The following FRMPD4 variants were observed in gnomAD, a reference collection of about 807,000 sequenced individuals.
The protein encoded by FRMPD4 is FERM and PDZ domain-containing protein 4.
FRMPD4 carries 22 observed loss-of-function variants against 94.1 expected under a neutral mutation model. The ratio of observed to expected loss-of-function variants is 0.23; its 90% CI spans 0.17 to 0.33. The LOEUF (loss-of-function observed/expected upper bound fraction) is 0.33, where lower values mean the gene tolerates loss of function less well. FRMPD4 is among the 10% of genes least tolerant of loss of function. FRMPD4 has a pLI of 1.00. For synonymous variants in FRMPD4, 631 were observed against 548.6 expected, an observed-to-expected ratio of 1.15 and a Z score of -2.10; for missense variants, 1,111 against 1,339.9, an observed-to-expected ratio of 0.83 and a Z score of 2.67.
intron 1 of FRMPD4, among the ~76,000 whole-genome samples, chrX:12,400,013 T>G (rs1237359576): frequency 1.8e-5 from 2 of 111,902 alleles, no homozygotes; most frequent in Non-Finnish European, 3.8e-5. Flanking sequence ...GGTTTTCACT[T>G]AAAAGGTATT....
At chrX:12,262,749 C>T (rs771129475) in intron 1 of FRMPD4, among the ~76,000 whole-genome samples, 7 of 111,376 alleles carry the variant, frequency 6.3e-5, no homozygotes, top group African/African-American at 1.3e-4. Context: ...TTATTCTGGC[C>T]GGGCCCATTT....
At chrX:12,277,096 G>A (rs2054452401) in intron 1 of FRMPD4, among the ~76,000 whole-genome samples, 1 of 98,831 alleles carries the variant, frequency 1.0e-5, no homozygotes, top group Admixed American at 1.1e-4. Context: ...ACTCCAGCCT[G>A]GGCGACAGAG....
At chrX:12,517,505 G>A (rs762393370) in intron 2 of FRMPD4, among the ~76,000 whole-genome samples, 2 of 108,003 alleles carry the variant, frequency 1.9e-5, no homozygotes, top group Non-Finnish European at 3.9e-5. Flanking sequence ...GACCCTATTT[G>A]TCTGGGTCCC....
chrX:12,643,803 T>C (rs1230398571), intron 4 of FRMPD4, among the ~76,000 whole-genome samples: 1 of 111,973 alleles, frequency 8.9e-6, no homozygotes, highest in Non-Finnish European at 1.9e-5. Context: ...TATTAAATCT[T>C]AGGACCTGCA....
chrX:12,548,735 G>A (rs183200634), intron 2 of FRMPD4, among the ~76,000 whole-genome samples: 2,021 of 111,843 alleles, frequency 0.018, 17 homozygotes, highest in Middle Eastern at 0.028. Flanking sequence ...GTCAATAACC[G>A]AAGGGGCCAT....
intron 3 of FRMPD4, among the ~76,000 whole-genome samples, chrX:11,948,606 A>AAAGGGG (rs2054203315): frequency 9.0e-6 from 1 of 111,337 alleles, no homozygotes; most frequent in Non-Finnish European, 1.9e-5. Flanking sequence ...GAGCTCTTGG[A>AAAGGGG]AAGGGGAAGG....
rs375165134 is a variant in FRMPD4, at chrX:12,065,666, T to G, written c.95+187648T>G. On this transcript the variant is annotated intron_variant, in intron 3 of 18. Coordinates refer to the FRMPD4 transcript ENST00000640291. ...TGCTTTTGGTTTGGTGGTTCAAGGC[T>G]GCCTTTGATGATTATTTCGAACAAA... 2.0e-4 allele frequency among the ~76,000 whole-genome samples: 22 copies of G among 112,251 alleles called. No individual in the cohort carries two copies. In the East Asian group the frequency reaches 3.1e-3, roughly 16 times the overall value.
chrX:12,076,531 C>T (rs1033081084), intron 3 of FRMPD4, among the ~76,000 whole-genome samples: 1 of 110,519 alleles, frequency 9.0e-6, no homozygotes, highest in Non-Finnish European at 1.9e-5. Context: ...GAAAGAATAC[C>T]GCCTGGCAGC....
At chrX:12,115,631 CTT>C (rs56008491) in intron 3 of FRMPD4, among the ~76,000 whole-genome samples, 12 of 101,622 alleles carry the variant, frequency 1.2e-4, no homozygotes, top group East Asian at 3.0e-4. Flanking sequence ...ATGCTGGCCT[CTT>C]TTTTTTTTTT....
chrX:11,848,197 C>T (rs1310084338), intron 1 of FRMPD4, among the ~76,000 whole-genome samples: 1 of 110,608 alleles, frequency 9.0e-6, no homozygotes, highest in Non-Finnish European at 1.9e-5. Context: ...TCTGTGTTTG[C>T]TGATTGTTCT....
intron 2 of FRMPD4, among the ~76,000 whole-genome samples, chrX:12,542,466 A>G (rs2058426092): frequency 8.9e-6 from 1 of 112,305 alleles, no homozygotes; most frequent in South Asian, 3.7e-4. Flanking sequence ...CCAAATCATG[A>G]GTGAACTCCC....
chrX:12,464,475 T>C (rs1224483027), intron 1 of FRMPD4, among the ~76,000 whole-genome samples: 1 of 112,544 alleles, frequency 8.9e-6, no homozygotes, highest in Admixed American at 9.4e-5. Context: ...CTGGTTATAA[T>C]AGACATCTAT....
intron 1 of FRMPD4, among the ~76,000 whole-genome samples, chrX:12,350,186 G>A (rs1404437929): frequency 9.0e-6 from 1 of 111,528 alleles, no homozygotes; most frequent in Non-Finnish European, 1.9e-5. Context: ...AGATCATATA[G>A]CTGTATAATT....
chrX:11,866,434 G>A (rs2053719073), intron 2 of FRMPD4, among the ~76,000 whole-genome samples: 1 of 111,805 alleles, frequency 8.9e-6, no homozygotes, highest in Admixed American at 9.5e-5. Flanking sequence ...TGAAGAAGCA[G>A]AGTCCTCCAT....
At chrX:12,529,986 T>C (rs1350719675) in intron 2 of FRMPD4, among the ~76,000 whole-genome samples, 1 of 110,936 alleles carries the variant, frequency 9.0e-6, no homozygotes, top group Non-Finnish European at 1.9e-5. Flanking sequence ...GTTGAGCCCT[T>C]TTGACCTAGT....
At chrX:12,366,255 TG>T (rs1315844136) in intron 1 of FRMPD4, among the ~76,000 whole-genome samples, 1 of 112,068 alleles carries the variant, frequency 8.9e-6, no homozygotes, top group Non-Finnish European at 1.9e-5. Flanking sequence ...AGGAGTTTAC[TG>T]TTGGTGGACA....
chrX:12,041,688 G>T (rs2054756838), intron 3 of FRMPD4, among the ~76,000 whole-genome samples: 1 of 110,037 alleles, frequency 9.1e-6, no homozygotes, highest in African/African-American at 3.3e-5. Context: ...TATAAATTAA[G>T]GTTTTTCATC....
At chrX:12,492,759 T>C (rs1171760655) in intron 1 of FRMPD4, among the ~76,000 whole-genome samples, 1 of 111,831 alleles carries the variant, frequency 8.9e-6, no homozygotes, top group Non-Finnish European at 1.9e-5. Flanking sequence ...TTTCCTCACA[T>C]GTACCTGTGC....
At chrX:12,282,585 T>G (rs1327332617) in intron 1 of FRMPD4, among the ~76,000 whole-genome samples, 2 of 110,854 alleles carry the variant, frequency 1.8e-5, no homozygotes, top group African/African-American at 6.5e-5. Flanking sequence ...AAATCTAGTT[T>G]TATTATTTGA....
Sources: allele counts gnomAD v4.1 joint callset (sites outside exome capture counted in the v4.1 genomes callset), GRCh38; gene constraint gnomAD v4.1.1; transcripts MANE v1.5; gene names NCBI Gene and HGNC (gene_info 2026-07-23, HGNC 2026-07-21).